ABHD12: variants seen among roughly 807,000 people sequenced by gnomAD.
ABHD12 encodes abhydrolase domain containing 12, lysophospholipase.
A neutral mutation model predicts 58.3 loss-of-function variants in ABHD12; 43 were observed. The observed-to-expected ratio is 0.74, with a 90% CI of 0.58 to 0.95. ABHD12 has a LOEUF of 0.95. ABHD12 is among the 40% of genes least tolerant of loss of function. The probability of loss-of-function intolerance (pLI) is 0.00; values close to 1 mark genes in which losing one functional copy is unlikely to be tolerated. For missense variants in ABHD12, 539 were observed against 537.2 expected, an observed-to-expected ratio of 1.00 and a Z score of -0.03; for synonymous variants, 219 against 211.2, an observed-to-expected ratio of 1.04 and a Z score of -0.32.
intron 1 of ABHD12, among the ~76,000 whole-genome samples, chr20:25,388,790 T>TTTC (rs1555827342): frequency 1.2e-4 from 14 of 119,162 alleles, no homozygotes; most frequent in Admixed American, 2.3e-4. Flanking sequence ...ATTTTTTCTT[T>TTTC]TTTTTTTTTT....
downstream of ABHD12, among the ~76,000 whole-genome samples, chr20:25,295,323 T>C (rs1055939606): frequency 4.6e-5 from 7 of 152,228 alleles, no homozygotes; most frequent in Non-Finnish European, 1.0e-4. Context: ...GCCCTGCGTG[T>C]GGAAGACACG....
At chr20:25,366,114 G>C (rs547004195) in intron 1 of ABHD12, among the ~76,000 whole-genome samples, 1 of 151,966 alleles carries the variant, frequency 6.6e-6, no homozygotes, top group Non-Finnish European at 1.5e-5. Context: ...GCTATCTTTC[G>C]CATATTTTTC....
At chr20:25,361,895 C>A (rs568670273) in intron 1 of ABHD12, among the ~76,000 whole-genome samples, 27 of 151,512 alleles carry the variant, frequency 1.8e-4, no homozygotes, top group Admixed American at 1.2e-3. Context: ...GCGGAGCTTG[C>A]AGTGAGCCAA....
intron 6 of ABHD12, among the ~76,000 whole-genome samples, chr20:25,310,928 G>A (rs1204814339): frequency 2.6e-5 from 4 of 152,164 alleles, no homozygotes; most frequent in East Asian, 3.8e-4. Context: ...ACAGAAGTGC[G>A]GGGAGATGAA....
intron 1 of ABHD12, among the ~76,000 whole-genome samples, chr20:25,355,622 G>T (rs562468444): frequency 6.6e-6 from 1 of 152,008 alleles, no homozygotes; most frequent in Non-Finnish European, 1.5e-5. Context: ...GCAGTGGCAC[G>T]ATCCCAGCTC....
chr20:25,298,780 C>T (rs1363064236), downstream of ABHD12, among the ~76,000 whole-genome samples: 1 of 152,204 alleles, frequency 6.6e-6, no homozygotes, highest in Non-Finnish European at 1.5e-5. Context: ...GGGCTCTGTG[C>T]TACCCTGAAG....
At chr20:25,334,618 T>G (rs2089332289) in intron 2 of ABHD12, among the ~76,000 whole-genome samples, 1 of 151,742 alleles carries the variant, frequency 6.6e-6, no homozygotes, top group Admixed American at 6.6e-5. Context: ...TATAGATCAA[T>G]GGAACAGAAC....
chr20:25,315,025 G>A lies in ABHD12; in HGVS notation c.574-55C>T. 5 of 1,590,146 alleles carry A rather than the reference G, an allele frequency of 3.1e-6. No homozygotes were observed. In the Admixed American group the frequency reaches 8.3e-5, roughly 27 times the overall value. On this transcript the variant is annotated intron_variant, in intron 5 of 12. Transcript: ENST00000339157. ...AACAAATCCAAGCATCTGTATTGAG[G>A]GCAGCTTGCCGCTTACTAAACTCAT...
At chr20:25,296,402 G>GA (rs1568702755), downstream of ABHD12, 2 of 1,614,032 alleles carry the variant, frequency 1.2e-6, no homozygotes, top group African/African-American at 2.7e-5. Context: ...AGGTCATCAG[G>GA]AACATCGCCT....
At chr20:25,296,267 C>A, downstream of ABHD12, 1 of 1,425,140 alleles carries the variant, frequency 7.0e-7, no homozygotes, top group Non-Finnish European at 9.8e-7. Context: ...GGCCCCAAGG[C>A]TCGGAGCTCA....
chr20:25,386,709 C>T (rs1026093019), intron 1 of ABHD12, among the ~76,000 whole-genome samples: 4 of 152,000 alleles, frequency 2.6e-5, no homozygotes, highest in East Asian at 1.9e-4. Flanking sequence ...GGCAAAATCC[C>T]GTCTCCATTA....
chr20:25,295,725 G>C, downstream of ABHD12: 1 of 1,518,474 alleles, frequency 6.6e-7, no homozygotes, highest in Non-Finnish European at 9.1e-7. Context: ...CCATGTAGAC[G>C]TGTTGGGTCA....
Position 25,294,833 on chromosome 20 carries a change from T to G in ABHD12, c.*140A>C. 9 of 869,474 alleles carry G rather than the reference T, an allele frequency of 1.0e-5. No homozygotes were observed. In the South Asian group the frequency reaches 1.1e-4, roughly 10 times the overall value. 53.9% of individuals were successfully genotyped at this position (869,474 alleles called of 1,614,324 possible). A position where few individuals can be genotyped will look rare whatever the true frequency, so the allele number is the denominator to read the frequency against. On this transcript the variant is annotated 3_prime_UTR_variant, in exon 13 of 13. Transcript: ENST00000376542. The stretch of plus-strand genomic sequence containing the variant: ...TTACAGACTTTGTAAGGTTTGCAGC[T>G]CAGGGCAGTTCTTCACCGTTGGCAA...
chr20:25,320,707 T>C (rs951129641), intron 3 of ABHD12, among the ~76,000 whole-genome samples: 6 of 152,238 alleles, frequency 3.9e-5, no homozygotes, highest in Admixed American at 3.9e-4. Context: ...CATGCTTAAA[T>C]TGTCCACAGT....
chr20:25,298,332 C>A (rs1156792722), downstream of ABHD12, among the ~76,000 whole-genome samples: 1 of 152,054 alleles, frequency 6.6e-6, no homozygotes, highest in East Asian at 1.9e-4. Context: ...GTGGCACGGT[C>A]TTGGCTCGCT....
At chr20:25,356,520 TG>T (rs2089670260) in intron 1 of ABHD12, among the ~76,000 whole-genome samples, 1 of 152,208 alleles carries the variant, frequency 6.6e-6, no homozygotes, top group Non-Finnish European at 1.5e-5. Context: ...GCAGGGAGTG[TG>T]GCAGAGGTGC....
At chr20:25,365,855 C>G (rs536992929) in intron 1 of ABHD12, among the ~76,000 whole-genome samples, 1 of 152,084 alleles carries the variant, frequency 6.6e-6, no homozygotes, top group East Asian at 1.9e-4. Context: ...TCAAGACCAG[C>G]CTGGACAACA....
intron 1 of ABHD12, among the ~76,000 whole-genome samples, chr20:25,364,828 C>T (rs1209561724): frequency 2.0e-5 from 3 of 152,238 alleles, no homozygotes; most frequent in Non-Finnish European, 4.4e-5. Context: ...AACACTCTCA[C>T]ACCGCCAATG....
intron 1 of ABHD12, among the ~76,000 whole-genome samples, chr20:25,347,002 T>C (rs2089528610): frequency 6.6e-6 from 1 of 152,140 alleles, no homozygotes; most frequent in African/African-American, 2.4e-5. Flanking sequence ...AGCTGTCAAG[T>C]GTCTTTGGAC....
Sources: allele counts gnomAD v4.1 joint callset (sites outside exome capture counted in the v4.1 genomes callset), GRCh38; gene constraint gnomAD v4.1.1; transcripts MANE v1.5; gene names NCBI Gene and HGNC (gene_info 2026-07-23, HGNC 2026-07-21).